The following AHNAK variants were observed in gnomAD, a reference collection of about 807,000 sequenced individuals.
The protein encoded by AHNAK is neuroblast differentiation-associated protein AHNAK.
AHNAK carries 23 observed loss-of-function variants against 37.8 expected under a neutral mutation model. The observed-to-expected ratio is 0.61, with a 90% CI of 0.44 to 0.86. AHNAK has a LOEUF of 0.86. AHNAK is among the 40% of genes least tolerant of loss of function. The pLI is 0.00. For synonymous variants in AHNAK, 2,481 were observed against 2,636.3 expected, an observed-to-expected ratio of 0.94 and a Z score of 1.80; for missense variants, 7,411 against 7,319.4, an observed-to-expected ratio of 1.01 and a Z score of -0.46.
At chr11:62,436,663 G>A (rs190243191) in intron 5 of AHNAK, among the ~76,000 whole-genome samples, 1 of 151,066 alleles carries the variant, frequency 6.6e-6, no homozygotes, top group South Asian at 2.1e-4. Context: ...TAGGCCGGGC[G>A]CAGTGGCTCA....
chr11:62,446,537 T>C (rs1357512362), intron 5 of AHNAK, among the ~76,000 whole-genome samples: 1 of 152,138 alleles, frequency 6.6e-6, no homozygotes, highest in African/African-American at 2.4e-5. Context: ...AAGAGTCTAT[T>C]ATATCAGATG....
chr11:62,465,775 T>C (rs977227467), intron 5 of AHNAK, among the ~76,000 whole-genome samples: 1 of 151,286 alleles, frequency 6.6e-6, no homozygotes, highest in Non-Finnish European at 1.5e-5. Context: ...GGGGCAGAAA[T>C]TGGAGTTATG....
At chr11:62,484,515 G>A (rs1191773022) in intron 5 of AHNAK, among the ~76,000 whole-genome samples, 1 of 152,170 alleles carries the variant, frequency 6.6e-6, no homozygotes, top group Non-Finnish European at 1.5e-5. Context: ...TTTGTCAAGG[G>A]GAAGAACATT....
chr11:62,501,383 G>A (rs1055507443), intron 4 of AHNAK, among the ~76,000 whole-genome samples: 1 of 152,040 alleles, frequency 6.6e-6, no homozygotes, highest in Non-Finnish European at 1.5e-5. Context: ...CCTGGCCAAC[G>A]TGATGAAATT....
chr11:62,520,976 G>T lies in AHNAK; in HGVS notation c.13441C>A (p.Leu4481Ile). ...TTCAGATCACTTTCCACCTTAGGTA[G>T]TGAAACATCCACATCACCCTTCACC... ...PKVKGDVDVS[L>I]PKVESDLKGP... Residue 4481 changes from leucine (L) to isoleucine (I), a missense_variant, in exon 5 of 5, where the codon CTA (leucine) becomes ATA (isoleucine). Leu to Ile is a conservative substitution (Grantham distance 5). Coordinates refer to ENST00000378024, the MANE Select transcript of AHNAK (RefSeq NM_001620.3). 6.2e-7 allele frequency: 1 copy of T among 1,614,080 alleles called. No individual in the cohort carries two copies.
chr11:62,433,917 A>G (rs752253846), intron 5 of AHNAK: 15 of 1,611,220 alleles, frequency 9.3e-6, no homozygotes, highest in Non-Finnish European at 1.3e-5. Context: ...AAAGAGATTT[A>G]TATTCAACAC....
At chr11:62,444,571 C>T (rs2509988) in intron 5 of AHNAK, among the ~76,000 whole-genome samples, 6,664 of 152,364 alleles carry the variant, frequency 0.044, 477 homozygotes, top group African/African-American at 0.15. Flanking sequence ...CGTGGGGAAG[C>T]GGGGGTCCCG....
At chr11:62,460,987 A>ATTTTTTTTTTTTTTT (rs58443970) in intron 5 of AHNAK, among the ~76,000 whole-genome samples, 3 of 103,636 alleles carry the variant, frequency 2.9e-5, no homozygotes, top group African/African-American at 3.8e-5. Context: ...GGCCTGGCTA[A>ATTTTTTTTTTTTTTT]TTTTTTTTTT....
chr11:62,506,691 C>A (rs974085871), intron 4 of AHNAK, among the ~76,000 whole-genome samples: 1 of 152,206 alleles, frequency 6.6e-6, no homozygotes, highest in Non-Finnish European at 1.5e-5. Flanking sequence ...GCCGGGTGGT[C>A]TGGGACCAGT....
chr11:62,523,652 G>A lies in AHNAK; in HGVS notation c.10765C>T (p.Pro3589Ser). 1 of 1,613,960 alleles carries A rather than the reference G, an allele frequency of 6.2e-7. No individual in the cohort carries two copies. The change falls in exon 5 of 5, where the codon CCA (proline) becomes TCA (serine). Residue 3589 changes from proline to serine, a missense_variant. Coordinates refer to ENST00000378024, the MANE Select transcript of AHNAK (RefSeq NM_001620.3). ...TCTGGACCATGAACATCCACATCTGGGGCATTGATGTCCACTTTAGGGCCT... is the reference window on the plus strand; with the variant it reads ...TCTGGACCATGAACATCCACATCTGAGGCATTGATGTCCACTTTAGGGCCT... ...IKGPKVDINAPDVDVHGPDWH... is the reference protein window; with the variant it reads ...IKGPKVDINASDVDVHGPDWH...
chr11:62,538,846 C>A (rs979233369), intron 1 of AHNAK, among the ~76,000 whole-genome samples: 1 of 152,196 alleles, frequency 6.6e-6, no homozygotes, highest in Non-Finnish European at 1.5e-5. Flanking sequence ...TACATGGGGT[C>A]TTGAAGGTGC....
At chr11:62,512,709 A>G (rs989298377), downstream of AHNAK, among the ~76,000 whole-genome samples, 6 of 152,118 alleles carry the variant, frequency 3.9e-5, no homozygotes, top group Non-Finnish European at 7.4e-5. The surrounding 1 kb of genome is among the most constrained non-coding windows in gnomAD (Gnocchi z 4.0). Flanking sequence ...GTTTGAGACT[A>G]GCCTGGGCAA....
At position 62,527,582 on chromosome 11, in the gene AHNAK, C is replaced by A. The variant is rs1372167963; in HGVS notation, c.6835G>T (p.Val2279Leu). The part of the protein sequence containing the change: ...KADVDVSGPK[V>L]DVEVPDVSLE... ...CTCACATCTGGGACTTCAACATCCA[C>A]CTTGGGTCCTGAGACATCAACGTCA... The change falls in exon 5 of 5, where the codon GTG becomes TTG. Residue 2279 changes from valine (V) to leucine (L), a missense_variant. Transcript: ENST00000378024. 6.2e-7 allele frequency: 1 copy of A among 1,613,548 alleles called. No individual in the cohort carries two copies. The highest frequency in any genetic ancestry group is 8.5e-7 in the Non-Finnish European group (1 of 1,179,906).
chr11:62,476,371 C>T (rs961524162), intron 5 of AHNAK, among the ~76,000 whole-genome samples: 4 of 152,056 alleles, frequency 2.6e-5, no homozygotes, highest in South Asian at 2.1e-4. Context: ...CCTGCCTGGG[C>T]GACAGAGCAA....
chr11:62,504,170 A>AAG (rs970209177), intron 4 of AHNAK, among the ~76,000 whole-genome samples: 7 of 151,900 alleles, frequency 4.6e-5, no homozygotes, highest in African/African-American at 1.7e-4. Context: ...CAAAAACAGA[A>AAG]AGAGAGAGAG....
intron 5 of AHNAK, among the ~76,000 whole-genome samples, chr11:62,482,452 G>GC (rs1364686706): frequency 6.6e-6 from 1 of 151,966 alleles, no homozygotes; most frequent in Non-Finnish European, 1.5e-5. Context: ...GGACTCTGGA[G>GC]CCCCCCTGGG....
intron 5 of AHNAK, among the ~76,000 whole-genome samples, chr11:62,438,917 C>T (rs1218200881): frequency 2.0e-5 from 3 of 151,944 alleles, no homozygotes; most frequent in African/African-American, 7.3e-5. Context: ...ACTTCCTGGG[C>T]CTTTGGACTA....
rs549947829 is a variant in AHNAK, at chr11:62,532,868, C to G, written c.1549G>C (p.Asp517His). Residue 517 changes from aspartate to histidine, a missense_variant, in exon 5 of 5, where the codon GAT becomes CAT. Transcript: ENST00000378024. Reference protein sequence around the residue: ...LSLGSPKLKGDIKVSAPGVQG... With the variant: ...LSLGSPKLKGHIKVSAPGVQG... ...ACCCCAGGAGCAGAAACCTTAATAT[C>G]TCCTTTCAGTTTAGGAGACCCAAGG... 1 of 1,614,094 alleles carries G rather than the reference C, an allele frequency of 6.2e-7. No homozygotes were observed. The highest frequency in any genetic ancestry group is 1.3e-5 in the African/African-American group (1 of 75,012).
chr11:62,448,942 C>A (rs1360115790), intron 5 of AHNAK, among the ~76,000 whole-genome samples: 1 of 152,052 alleles, frequency 6.6e-6, no homozygotes, highest in Non-Finnish European at 1.5e-5. Context: ...GTGGTGGGCA[C>A]ATGTAGTCTC....
Sources: gnomAD v4.1 joint callset for allele counts (sites outside exome capture counted in the v4.1 genomes callset) on GRCh38, gnomAD v4.1.1 for gene constraint, Gnocchi (gnomAD v3.1) non-coding constraint, MANE v1.5 for transcripts, NCBI Gene and HGNC (gene_info 2026-07-23, HGNC 2026-07-21) for gene names.